Variants in SAMSN1 observed in about 807,000 individuals in gnomAD.
The protein encoded by SAMSN1 is SAM domain, SH3 domain and nuclear localization signals 1, also known as SAM domain-containing protein SAMSN-1.
In SAMSN1, 31 loss-of-function variants were observed where a neutral mutation model predicts 42.0. That is an observed-to-expected ratio of 0.74 (90% CI 0.55 to 1.00). The LOEUF is 1.00. SAMSN1 is among the 50% of genes least tolerant of loss of function. The pLI, the probability that SAMSN1 is intolerant of heterozygous loss-of-function variation, is 0.00. For synonymous variants in SAMSN1, 178 were observed against 151.9 expected, an observed-to-expected ratio of 1.17 and a Z score of -1.26; for missense variants, 464 against 439.4, an observed-to-expected ratio of 1.06 and a Z score of -0.50.
chr21:14,504,325 G>A (rs933749853), intron 5 of SAMSN1, among the ~76,000 whole-genome samples: 11 of 152,174 alleles, frequency 7.2e-5, no homozygotes, highest in African/African-American at 2.7e-4. Context: ...CCAGAGAAAG[G>A]TGAAGCGCAA....
intron 2 of SAMSN1, among the ~76,000 whole-genome samples, chr21:14,629,416 T>C (rs1051576329): frequency 5.3e-5 from 8 of 152,194 alleles, no homozygotes; most frequent in African/African-American, 1.9e-4. Context: ...CCCCTCAGCA[T>C]ATTACTGTAA....
exon 2 of SAMSN1, chr21:14,582,165 A>G (rs1254587266): frequency 6.5e-7 from 1 of 1,550,052 alleles, no homozygotes; most frequent in Non-Finnish European, 8.7e-7. Flanking sequence ...ATATCTGAGC[A>G]GGAAGACTTG....
At chr21:14,575,655 G>A (rs1019294495) in intron 2 of SAMSN1, among the ~76,000 whole-genome samples, 1 of 152,118 alleles carries the variant, frequency 6.6e-6, no homozygotes, top group Non-Finnish European at 1.5e-5. Context: ...CCTTCTTCCG[G>A]GTGAGTGTGT....
intron 7 of SAMSN1, among the ~76,000 whole-genome samples, chr21:14,493,343 T>C (rs1389368358): frequency 6.6e-6 from 1 of 152,170 alleles, no homozygotes; most frequent in Non-Finnish European, 1.5e-5. Flanking sequence ...ATTATCCCTG[T>C]AATCTAGAGC....
intron 1 of SAMSN1, among the ~76,000 whole-genome samples, chr21:14,538,956 A>T (rs1312648567): frequency 6.6e-6 from 1 of 152,224 alleles, no homozygotes; most frequent in Non-Finnish European, 1.5e-5. Flanking sequence ...ACCTGCTAAA[A>T]TTTATTAACA....
chr21:14,615,901 G>C, intron 3 of SAMSN1: 2 of 323,358 alleles, frequency 6.2e-6, no homozygotes, highest in Non-Finnish European at 1.2e-5. Flanking sequence ...ACTTTGGCAC[G>C]AAGTCCACTA....
intron 2 of SAMSN1, among the ~76,000 whole-genome samples, chr21:14,553,743 CAG>C (rs1459387301): frequency 6.6e-6 from 1 of 152,136 alleles, no homozygotes. Context: ...TTCTAGCTTT[CAG>C]AGTGTTGAGA....
chr21:14,519,321 C>G (rs1978324185), intron 2 of SAMSN1, among the ~76,000 whole-genome samples: 1 of 152,056 alleles, frequency 6.6e-6, no homozygotes, highest in Non-Finnish European at 1.5e-5. Flanking sequence ...TTACAAATTA[C>G]TAGGCCACCA....
rs530943913 is a variant in SAMSN1, at chr21:14,517,214, C to T, written c.130-173G>A. ...ACACATATTTTTAAAGTTGTCCAGCCCTGGTTGCTTGTGTTACGAACTCAG... is the reference window on the plus strand; with the variant it reads ...ACACATATTTTTAAAGTTGTCCAGCTCTGGTTGCTTGTGTTACGAACTCAG... On this transcript the variant is annotated intron_variant, in intron 2 of 7. Transcript: ENST00000400566. Among the ~76,000 whole-genome samples, 6 of 152,290 alleles carry T rather than the reference C, an allele frequency of 3.9e-5. No individual in the cohort carries two copies. In the East Asian group the frequency reaches 1.2e-3, roughly 29 times the overall value.
At chr21:14,596,199 CA>C (rs1308714144) in intron 6 of SAMSN1, among the ~76,000 whole-genome samples, 1 of 152,018 alleles carries the variant, frequency 6.6e-6, no homozygotes, top group African/African-American at 2.4e-5. Context: ...TCACCGGAAA[CA>C]AGAGATTTGC....
At position 14,652,181 on chromosome 21, in the gene SAMSN1, G is replaced by GA. The variant is rs1235720010; in HGVS notation, c.24+6566dup. On this transcript the variant is annotated intron_variant, in intron 1 of 15. Transcript: ENST00000647101. ...ACCAGTGACATTCTTCACAGAAATGGAAAAAAAATCCTAAAATTTATATGG... is the reference window on the plus strand; with the variant it reads ...ACCAGTGACATTCTTCACAGAAATGGAAAAAAAAATCCTAAAATTTATATGG... Among the ~76,000 whole-genome samples, 11 of 151,570 alleles carry GA rather than the reference G, an allele frequency of 7.3e-5. No homozygotes were observed. The East Asian group carries it at 7.7e-4, about 11-fold the overall frequency.
intron 2 of SAMSN1, among the ~76,000 whole-genome samples, chr21:14,557,755 C>G (rs1980810835): frequency 6.6e-6 from 1 of 152,188 alleles, no homozygotes; most frequent in African/African-American, 2.4e-5. Context: ...CCTATCTATG[C>G]CATTCTCCTC....
intron 2 of SAMSN1, among the ~76,000 whole-genome samples, chr21:14,552,304 T>C (rs1980624440): frequency 6.6e-6 from 1 of 152,176 alleles, no homozygotes; most frequent in South Asian, 2.1e-4. Flanking sequence ...GCACACTTTA[T>C]GAAATTCCTT....
rs1489825444 is a variant in SAMSN1 at position 14,504,537 on chromosome 21, C to G, written c.562-3802G>C. ...TCAAAGGCAAGGTCTTTGAAATTAT[C>G]CAAACCAACAAAGACAAAGAAAAAG... On this transcript the variant is annotated intron_variant, in intron 5 of 7. Transcript: ENST00000400566. Among the ~76,000 whole-genome samples the G allele has an allele frequency of 2.6e-5, 4 of 152,046 alleles. No homozygotes were observed. The East Asian group carries it at 7.7e-4, about 29-fold the overall frequency.
rs914407167 is a variant in SAMSN1, at chr21:14,497,392, C to T, written c.919+1050G>A. Among the ~76,000 whole-genome samples, 44 of 152,088 alleles carry T rather than the reference C, an allele frequency of 2.9e-4. 2 individuals carry two copies. The highest frequency in any genetic ancestry group is 4.8e-5 in the African/African-American group (2 of 41,412). ...GGCGGATCACTTAAGATCAGGAGTT[C>T]GAGACCAGGCTGGCCAATATGGTGA... On this transcript the variant is annotated intron_variant, in intron 7 of 7. Transcript: ENST00000400566.
intron 2 of SAMSN1, among the ~76,000 whole-genome samples, chr21:14,561,691 A>G (rs1980952401): frequency 6.6e-6 from 1 of 152,188 alleles, no homozygotes; most frequent in Non-Finnish European, 1.5e-5. Flanking sequence ...TGTTGCCAAC[A>G]TAATTAGTTT....
At chr21:14,557,871 C>CTT (rs909274370) in intron 2 of SAMSN1, among the ~76,000 whole-genome samples, 6 of 152,192 alleles carry the variant, frequency 3.9e-5, no homozygotes, top group Admixed American at 6.5e-5. Context: ...GCGGGAAGTG[C>CTT]TTTTCCCTTT....
chr21:14,585,186 T>C (rs1981881335), upstream of SAMSN1, among the ~76,000 whole-genome samples: 1 of 152,244 alleles, frequency 6.6e-6, no homozygotes, highest in Non-Finnish European at 1.5e-5. Flanking sequence ...TATTTTTTTG[T>C]ATTATTTCTC....
intron 2 of SAMSN1, among the ~76,000 whole-genome samples, chr21:14,638,184 A>C (rs1333540961): frequency 6.6e-6 from 1 of 152,210 alleles, no homozygotes; most frequent in Non-Finnish European, 1.5e-5. Flanking sequence ...GGAAAGTGGG[A>C]TGTGAAAGTG....
Sources: allele counts gnomAD v4.1 joint callset (sites outside exome capture counted in the v4.1 genomes callset), GRCh38; gene constraint gnomAD v4.1.1; transcripts MANE v1.5; gene names NCBI Gene and HGNC (gene_info 2026-07-23, HGNC 2026-07-21).